The following SEMA3E variants were observed in gnomAD, a reference collection of about 807,000 sequenced individuals.
SEMA3E encodes the protein semaphorin-3E.
A neutral mutation model predicts 93.6 loss-of-function variants in SEMA3E; 49 were observed. The observed-to-expected ratio is 0.52, with a 90% CI of 0.42 to 0.66. The LOEUF is 0.66. Among genes scored for constraint, SEMA3E ranks in the 30% least tolerant of loss-of-function variants. The pLI is 0.00. For synonymous variants in SEMA3E, 363 were observed against 330.7 expected, an observed-to-expected ratio of 1.10 and a Z score of -1.06; for missense variants, 906 against 964.8, an observed-to-expected ratio of 0.94 and a Z score of 0.81.
chr7:83,590,082 A>G (rs1792724508), intron 1 of SEMA3E, among the ~76,000 whole-genome samples: 1 of 152,168 alleles, frequency 6.6e-6, no homozygotes, highest in African/African-American at 2.4e-5. Flanking sequence ...GTTGTATACT[A>G]CATTGCTAGG....
At chr7:83,410,035 A>G (rs2115660969) in intron 5 of SEMA3E, among the ~76,000 whole-genome samples, 1 of 151,836 alleles carries the variant, frequency 6.6e-6, no homozygotes, top group Admixed American at 6.6e-5. Context: ...CAAAGATTAA[A>G]AAAATAAGCT....
intron 1 of SEMA3E, among the ~76,000 whole-genome samples, chr7:83,632,892 C>G (rs1793814583): frequency 6.6e-6 from 1 of 152,108 alleles, no homozygotes; most frequent in African/African-American, 2.4e-5. Context: ...TGCACAAATT[C>G]AAAATGATAA....
At chr7:83,470,658 T>C (rs996276265) in intron 2 of SEMA3E, among the ~76,000 whole-genome samples, 2 of 152,150 alleles carry the variant, frequency 1.3e-5, no homozygotes, top group African/African-American at 4.8e-5. Context: ...GCCTTCTTTG[T>C]ATGTATTCTT....
chr7:83,423,504 ATTTT>A (rs71074656), intron 4 of SEMA3E, among the ~76,000 whole-genome samples: 1 of 138,900 alleles, frequency 7.2e-6, no homozygotes. Flanking sequence ...ACTATGAAGA[ATTTT>A]TTTTTTTTTT....
At chr7:83,491,262 A>G (rs757293065) in intron 1 of SEMA3E, among the ~76,000 whole-genome samples, 36 of 152,082 alleles carry the variant, frequency 2.4e-4, no homozygotes, top group Non-Finnish European at 3.4e-4. Flanking sequence ...GCTGAAGTAT[A>G]TGCCTCTGTA....
At chr7:83,412,761 T>TAAAAAA (rs35717519) in intron 5 of SEMA3E, among the ~76,000 whole-genome samples, 2 of 143,628 alleles carry the variant, frequency 1.4e-5, no homozygotes, top group African/African-American at 5.5e-5. Flanking sequence ...TAAAAAAAGA[T>TAAAAAA]AAAAAAAAAA....
intron 4 of SEMA3E, among the ~76,000 whole-genome samples, chr7:83,434,982 G>T: frequency 6.6e-6 from 1 of 151,830 alleles, no homozygotes; most frequent in Non-Finnish European, 1.5e-5. Flanking sequence ...CAAAGTGCTG[G>T]GATTACAGGC....
intron 1 of SEMA3E, among the ~76,000 whole-genome samples, chr7:83,542,673 A>G (rs551870727): frequency 6.6e-6 from 1 of 152,288 alleles, no homozygotes; most frequent in East Asian, 1.9e-4. Context: ...GAAGGAAGGT[A>G]GGGGAATTTT....
At chr7:83,648,400 AAC>A in intron 1 of SEMA3E, 26 bp downstream of exon 1, 2 of 1,452,606 alleles carry the variant, frequency 1.4e-6, no homozygotes, top group Non-Finnish European at 1.9e-6. Flanking sequence ...TTTTTTTTTA[AAC>A]AAAAGGATCT....
At chr7:83,431,409 A>T (rs989478756) in intron 4 of SEMA3E, among the ~76,000 whole-genome samples, 1 of 152,112 alleles carries the variant, frequency 6.6e-6, no homozygotes, top group African/African-American at 2.4e-5. Context: ...CTAACGGGTA[A>T]GTTAAAAAAA....
intron 14 of SEMA3E, among the ~76,000 whole-genome samples, chr7:83,387,852 T>TA (rs1562756850): frequency 1.2e-4 from 17 of 139,058 alleles, no homozygotes; most frequent in Non-Finnish European, 2.4e-4. Context: ...ATATATATGT[T>TA]TATATATATA....
intron 2 of SEMA3E, among the ~76,000 whole-genome samples, chr7:83,480,122 A>T (rs116830283): frequency 0.012 from 1,758 of 152,270 alleles, 30 homozygotes; most frequent in African/African-American, 0.04. Flanking sequence ...CTGACTAAAC[A>T]ATATTATCAC....
chr7:83,561,197 C>T (rs2058592322), intron 1 of SEMA3E, among the ~76,000 whole-genome samples: 1 of 151,982 alleles, frequency 6.6e-6, no homozygotes, highest in Admixed American at 6.6e-5. Context: ...GAGAATTAGT[C>T]ACGGTTTTTC....
intron 4 of SEMA3E, chr7:83,424,910 G>A (rs947931809): frequency 1.1e-5 from 3 of 278,888 alleles, no homozygotes; most frequent in Non-Finnish European, 1.5e-5. Flanking sequence ...AGGAGGTGCT[G>A]TCAGCCTCTA....
chr7:83,469,661 C>G (rs572122376), intron 2 of SEMA3E, among the ~76,000 whole-genome samples: 1 of 151,836 alleles, frequency 6.6e-6, no homozygotes, highest in South Asian at 2.1e-4. Flanking sequence ...CTACTTAACA[C>G]AGAACCTGCT....
intron 4 of SEMA3E, among the ~76,000 whole-genome samples, chr7:83,442,983 T>C (rs1789149328): frequency 6.6e-6 from 1 of 151,982 alleles, no homozygotes; most frequent in Non-Finnish European, 1.5e-5. Flanking sequence ...TGTGAGGGTG[T>C]AGATATGAGG....
At chr7:83,470,493 G>A (rs530497714) in intron 2 of SEMA3E, among the ~76,000 whole-genome samples, 1 of 151,964 alleles carries the variant, frequency 6.6e-6, no homozygotes, top group South Asian at 2.1e-4. Flanking sequence ...ACGTGCAGAG[G>A]TTTGAGTTTG....
chr7:83,515,158 T>C (rs1790900892), intron 1 of SEMA3E, among the ~76,000 whole-genome samples: 1 of 152,114 alleles, frequency 6.6e-6, no homozygotes, highest in African/African-American at 2.4e-5. Flanking sequence ...CAGCTACCCT[T>C]GCCCAGCGCC....
intron 4 of SEMA3E, among the ~76,000 whole-genome samples, chr7:83,457,736 T>G (rs954158784): frequency 2.0e-5 from 3 of 152,168 alleles, no homozygotes; most frequent in African/African-American, 7.2e-5. Flanking sequence ...AAATACTCTG[T>G]TCAAAACTCC....
Sources: allele counts gnomAD v4.1 joint callset (sites outside exome capture counted in the v4.1 genomes callset), GRCh38; gene constraint gnomAD v4.1.1; transcripts MANE v1.5; gene names NCBI Gene and HGNC (gene_info 2026-07-23, HGNC 2026-07-21).